Variants in FSHR observed in about 807,000 individuals in gnomAD.
FSHR encodes the protein follicle-stimulating hormone receptor.
In FSHR, 46 loss-of-function variants were observed where a neutral mutation model predicts 52.1. That is an observed-to-expected ratio of 0.88 (90% CI 0.70 to 1.13). The LOEUF (loss-of-function observed/expected upper bound fraction) is 1.13, where lower values mean the gene tolerates loss of function less well. Ranked by LOEUF, FSHR falls within the 50% of genes most tolerant of loss-of-function variation. FSHR has a pLI of 0.00. For missense variants in FSHR, 964 were observed against 834.6 expected (o/e 1.16, Z -1.91); for synonymous variants, 399 against 309.6 (o/e 1.29, Z -3.03).
chr2:49,125,743 A>G (rs1028610768), intron 1 of FSHR, among the ~76,000 whole-genome samples: 1 of 152,192 alleles, frequency 6.6e-6, no homozygotes, highest in Non-Finnish European at 1.5e-5. Context: ...TTGTTTGTAA[A>G]TATTGGACTT....
intron 1 of FSHR, among the ~76,000 whole-genome samples, chr2:49,080,298 T>C (rs891969232): frequency 1.3e-5 from 2 of 152,178 alleles, no homozygotes; most frequent in African/African-American, 4.8e-5. Flanking sequence ...TTGTTAATAT[T>C]CATTAAAGTA....
At chr2:48,996,267 A>G (rs545904162) in intron 4 of FSHR, among the ~76,000 whole-genome samples, 209 of 152,210 alleles carry the variant, frequency 1.4e-3, no homozygotes, top group African/African-American at 4.8e-3. Flanking sequence ...TAGGGCAATG[A>G]TGGATAAGAC....
At chr2:49,027,564 G>A (rs996783093) in intron 2 of FSHR, among the ~76,000 whole-genome samples, 1 of 151,996 alleles carries the variant, frequency 6.6e-6, no homozygotes, top group African/African-American at 2.4e-5. Flanking sequence ...AAATGTGAAG[G>A]AAGGGCCGGG....
At chr2:49,044,112 G>C (rs911116457) in intron 2 of FSHR, among the ~76,000 whole-genome samples, 2 of 152,280 alleles carry the variant, frequency 1.3e-5, no homozygotes, top group South Asian at 4.1e-4. Context: ...AATCCTATCT[G>C]TTCTTTTAGC....
chr2:49,049,351 G>A (rs1196649157), intron 2 of FSHR, among the ~76,000 whole-genome samples: 1 of 152,178 alleles, frequency 6.6e-6, no homozygotes, highest in Non-Finnish European at 1.5e-5. Context: ...TCACTTGGCT[G>A]TTGATTAGAA....
chr2:49,074,697 A>G (rs1669881387), intron 1 of FSHR, among the ~76,000 whole-genome samples: 1 of 151,540 alleles, frequency 6.6e-6, no homozygotes, highest in Non-Finnish European at 1.5e-5. Context: ...AAAGGAAATT[A>G]CTATATCAAA....
intron 6 of FSHR, among the ~76,000 whole-genome samples, chr2:48,987,708 A>C (rs1459942502): frequency 1.3e-5 from 2 of 152,036 alleles, no homozygotes; most frequent in Admixed American, 6.6e-5. Context: ...AGTGAGATTA[A>C]ATCATTCCTT....
At chr2:49,115,769 A>T (rs1010207208) in intron 1 of FSHR, among the ~76,000 whole-genome samples, 2 of 152,294 alleles carry the variant, frequency 1.3e-5, no homozygotes, top group African/African-American at 4.8e-5. Context: ...CTGACTGATG[A>T]AGGTCCAGTT....
intron 1 of FSHR, among the ~76,000 whole-genome samples, chr2:49,089,306 G>C (rs1670512702): frequency 6.6e-6 from 1 of 152,030 alleles, no homozygotes. Context: ...TTTCAAATAT[G>C]AACCAGAGAT....
chr2:49,148,497 T>C (rs1672947975), intron 1 of FSHR, among the ~76,000 whole-genome samples: 2 of 152,060 alleles, frequency 1.3e-5, no homozygotes, highest in Non-Finnish European at 2.9e-5. Flanking sequence ...TACCTGTAAT[T>C]GAGCGTCCAG....
intron 4 of FSHR, among the ~76,000 whole-genome samples, chr2:49,016,072 T>C (rs949527621): frequency 6.6e-6 from 1 of 152,184 alleles, no homozygotes; most frequent in African/African-American, 2.4e-5. Flanking sequence ...TCAGTTCTCA[T>C]TCAGAGAGCT....
rs1470237335 is a variant in FSHR, at chr2:49,085,195, G to A, written c.153-16905C>T. 3.9e-5 allele frequency among the ~76,000 whole-genome samples: 6 copies of A among 152,190 alleles called. No individual in the cohort carries two copies. In the South Asian group the frequency reaches 1.2e-3, roughly 32 times the overall value. The stretch of plus-strand genomic sequence containing the variant: ...GGGATGCAAGGCTGGTTCAATATAT[G>A]CAAATCAATAAATGTAATCCAGCAT... On this transcript the variant is annotated intron_variant, in intron 1 of 9. Coordinates refer to ENST00000406846, the MANE Select transcript of FSHR (RefSeq NM_000145.4).
At chr2:49,054,555 C>G (rs1293158832) in intron 2 of FSHR, among the ~76,000 whole-genome samples, 1 of 152,184 alleles carries the variant, frequency 6.6e-6, no homozygotes, top group Non-Finnish European at 1.5e-5. Flanking sequence ...GACATGCTTT[C>G]AAGCCAGTGG....
chr2:49,146,904 G>A (rs763166384), intron 1 of FSHR, among the ~76,000 whole-genome samples: 17 of 151,998 alleles, frequency 1.1e-4, no homozygotes, highest in Non-Finnish European at 2.1e-4. Flanking sequence ...GCTCAGCTGT[G>A]CATTCTTGAT....
In FSHR at chr2:49,034,772, AC is replaced by A. The variant is rs527728983; in HGVS notation, c.225-14613del. Among the ~76,000 whole-genome samples, 68 of 152,140 alleles carry A rather than the reference AC, an allele frequency of 4.5e-4. No individual in the cohort carries two copies. In the South Asian group the frequency reaches 0.014, roughly 31 times the overall value. ...TTGCCATTATTCTTTTCTTCCAGAC[AC>A]CCATTTTTGAGATGAAACTCATAAT... On this transcript the variant is annotated intron_variant, in intron 2 of 9. Transcript: ENST00000406846.
At position 49,017,625 on chromosome 2, in the gene FSHR, A is replaced by T. The variant is rs947119619; in HGVS notation, c.300-62T>A. ...GGTAAGGAATGCTGTAGTATTTTTC[A>T]CATTTTACAGAGTACATAATAAATC... On this transcript the variant is annotated intron_variant, in intron 3 of 9. Transcript: ENST00000406846. The T allele has an allele frequency of 3.3e-6, 4 of 1,230,326 alleles. No individual in the cohort carries two copies. The African/African-American group carries it at 6.0e-5, about 18-fold the overall frequency. 76.2% of individuals were successfully genotyped at this position (1,230,326 alleles called of 1,614,324 possible).
intron 4 of FSHR, chr2:49,014,664 A>C (rs1667416338): frequency 3.9e-6 from 1 of 258,678 alleles, no homozygotes; most frequent in Admixed American, 5.3e-5. Flanking sequence ...CCTTGGTTTC[A>C]AATTTTGCAA....
At chr2:49,075,800 G>A (rs1177095129) in intron 1 of FSHR, among the ~76,000 whole-genome samples, 1 of 144,092 alleles carries the variant, frequency 6.9e-6, no homozygotes, top group African/African-American at 2.6e-5. Flanking sequence ...GCTGACTTTT[G>A]TTTTTGTTTG....
At chr2:49,134,082 C>T (rs561213295) in intron 1 of FSHR, among the ~76,000 whole-genome samples, 3 of 152,260 alleles carry the variant, frequency 2.0e-5, no homozygotes, top group Non-Finnish European at 2.9e-5. Flanking sequence ...TCTAATTAGA[C>T]TAAAGAGCTT....
Sources: gnomAD v4.1 joint callset for allele counts (sites outside exome capture counted in the v4.1 genomes callset) on GRCh38, gnomAD v4.1.1 for gene constraint, MANE v1.5 for transcripts, NCBI Gene and HGNC (gene_info 2026-07-23, HGNC 2026-07-21) for gene names.